Variants in ITGB4 observed in about 807,000 individuals in gnomAD.
ITGB4 encodes integrin subunit beta 4, also known as integrin beta-4.
ITGB4 carries 159 observed loss-of-function variants against 207.6 expected under a neutral mutation model. That is an observed-to-expected ratio of 0.77 (90% confidence interval 0.67 to 0.87). ITGB4 has a LOEUF of 0.87. Among genes scored for constraint, ITGB4 ranks in the 40% least tolerant of loss-of-function variants. ITGB4 has a pLI of 0.00. For missense variants in ITGB4, 2,278 were observed against 2,546.8 expected (o/e 0.89, Z 2.27); for synonymous variants, 1,020 against 1,062.7 (o/e 0.96, Z 0.78).
rs748067049 is a variant in ITGB4 at position 75,740,744 on chromosome 17, G to T, written c.2551-49G>T. ...CCCTGGGTCCCCAGCCTGAGGGCTT[G>T]CCACGGGGTGGCCTAGGCCCAGCCT... On this transcript the variant is annotated intron_variant, in intron 21 of 39. Coordinates refer to ENST00000200181, the MANE Select transcript of ITGB4 (RefSeq NM_000213.5). The surrounding 1 kb of genome is among the most constrained non-coding windows in gnomAD (Gnocchi z 5.9). 6 of 1,602,986 alleles carry T rather than the reference G, an allele frequency of 3.7e-6. No individual in the cohort carries two copies. The Admixed American group carries it at 1.0e-4, about 27-fold the overall frequency.
Position 75,740,186 on chromosome 17 carries a change from G to C in ITGB4, c.2446+115G>C, listed in dbSNP as rs2061074643. ...GTGTGGGGTGCAGGCACAGGGCTCA[G>C]CCACCTTTTGCCCTGTGCTGATGGT... On this transcript the variant is annotated intron_variant, in intron 20 of 39. Coordinates refer to ENST00000200181, the MANE Select transcript of ITGB4 (RefSeq NM_000213.5). The surrounding 1 kb of genome is among the most constrained non-coding windows in gnomAD (Gnocchi z 5.9). 1 of 1,275,526 alleles carries C rather than the reference G, an allele frequency of 7.8e-7. No homozygotes were observed. The highest frequency in any genetic ancestry group is 1.1e-6 in the Non-Finnish European group (1 of 917,200). 79.0% of individuals were successfully genotyped at this position (1,275,526 alleles called of 1,614,324 possible).
Position 75,731,986 on chromosome 17 carries a change from C to A in ITGB4, c.1377+13C>A. ...CACCTGCGAGCTGGTACAACGCAGC[C>A]CCGCAGGGCGGGAGGGGAGAGCTGA... On this transcript the variant is annotated intron_variant, in intron 11 of 39. Coordinates refer to ENST00000200181, the MANE Select transcript of ITGB4 (RefSeq NM_000213.5). This position sits in a 1 kb window ranked among gnomAD's most constrained non-coding sequence, Gnocchi z 6.8. 6.2e-7 allele frequency: 1 copy of A among 1,613,952 alleles called. No individual in the cohort carries two copies. The highest frequency in any genetic ancestry group is 8.5e-7 in the Non-Finnish European group (1 of 1,180,030).
In ITGB4 at chr17:75,727,168, T is replaced by C; in HGVS notation, c.80-27T>C. The C allele has an allele frequency of 6.2e-7, 1 of 1,609,894 alleles. No individual in the cohort carries two copies. The highest frequency in any genetic ancestry group is 8.5e-7 in the Non-Finnish European group (1 of 1,176,970). Reference sequence around the variant, plus strand: ...CTTGCCTTTGCTGAGCGCCTCCCCATTCATGTGCCCACATCTGTCCCCCCA... The same window carrying C: ...CTTGCCTTTGCTGAGCGCCTCCCCACTCATGTGCCCACATCTGTCCCCCCA... On this transcript the variant is annotated intron_variant, in intron 2 of 39. Transcript: ENST00000200181. This position sits in a 1 kb window ranked among gnomAD's most constrained non-coding sequence, Gnocchi z 6.0.
At chr17:75,726,751 T>TAA (rs1336893905) in intron 2 of ITGB4, among the ~76,000 whole-genome samples, 1 of 143,830 alleles carries the variant, frequency 7.0e-6, no homozygotes, top group Non-Finnish European at 1.5e-5. Context: ...TAAAACAAAA[T>TAA]AAAAATACAA....
chr17:75,730,860 CCTT>C lies in ITGB4; in HGVS notation c.1003-12_1003-10del. 1 of 1,598,562 alleles carries C rather than the reference CCTT, an allele frequency of 6.3e-7. No individual in the cohort carries two copies. Among genetic ancestry groups the C allele is most frequent in the Non-Finnish European group, 8.6e-7 (1 of 1,167,720 alleles). On this transcript the variant is annotated splice_polypyrimidine_tract_variant and intron_variant, in intron 8 of 39. Coordinates refer to ENST00000200181, the MANE Select transcript of ITGB4 (RefSeq NM_000213.5). ...TGGAGATGCTTAGCCTGAGACCTGG[CCTT>C]CTCTCCCGCAGAAGCTTCACACCTA... is the stretch of plus-strand genomic sequence containing the variant.
In ITGB4 at chr17:75,729,262, C is replaced by T; in HGVS notation, c.567-3C>T. The T allele has an allele frequency of 1.9e-6, 3 of 1,614,096 alleles. No individual in the cohort carries two copies. The South Asian group carries it at 3.3e-5, about 18-fold the overall frequency. The stretch of plus-strand genomic sequence containing the variant: ...ACTCTCTCTCCCTCCCACCTCTGCC[C>T]AGGCTGAAGGAGCCCTGGCCCAACA... On this transcript the variant is annotated splice_polypyrimidine_tract_variant and splice_region_variant and intron_variant, in intron 6 of 39. Coordinates refer to ENST00000200181, the MANE Select transcript of ITGB4 (RefSeq NM_000213.5). This position sits in a 1 kb window ranked among gnomAD's most constrained non-coding sequence, Gnocchi z 4.4.
rs1176872844 is a variant in ITGB4, at chr17:75,731,435, A to G, written c.1215+67A>G. 1 of 1,518,610 alleles carries G rather than the reference A, an allele frequency of 6.6e-7. No homozygotes were observed. The allele number at this position is 1,518,610 out of a possible 1,614,324, so 94.1% of individuals were successfully genotyped here. Reference sequence around the variant, plus strand: ...CGCCCCACACCGAGTGGAATCGTTTAAAACAGCGGTCAAGAGCGTGGCCCC... The same window carrying G: ...CGCCCCACACCGAGTGGAATCGTTTGAAACAGCGGTCAAGAGCGTGGCCCC... On this transcript the variant is annotated intron_variant, in intron 10 of 39. Coordinates refer to ENST00000200181, the MANE Select transcript of ITGB4 (RefSeq NM_000213.5). This position sits in a 1 kb window ranked among gnomAD's most constrained non-coding sequence, Gnocchi z 6.8.
At chr17:75,733,726 G>A (rs753942294) in intron 13 of ITGB4, 34 bp downstream of exon 13, 29 of 1,602,324 alleles carry the variant, frequency 1.8e-5, no homozygotes, top group East Asian at 6.7e-5. Flanking sequence ...TGCTGATGGC[G>A]GGGTAGGGAG....
In ITGB4 at chr17:75,743,063, C is replaced by T. The variant is rs190144499; in HGVS notation, c.2962+302C>T. Among the ~76,000 whole-genome samples, 276 of 152,204 alleles carry T rather than the reference C, an allele frequency of 1.8e-3. 2 individuals carry two copies. Among genetic ancestry groups the T allele is most frequent in the Non-Finnish European group, 1.8e-3 (123 of 68,000 alleles). On this transcript the variant is annotated intron_variant, in intron 25 of 39. Coordinates refer to ENST00000200181, the MANE Select transcript of ITGB4 (RefSeq NM_000213.5). The stretch of plus-strand genomic sequence containing the variant: ...AAAAGGGTTGGCCAAGGCATCACAC[C>T]GTGGACATCTGACCCCTCCTCCCAC...
In ITGB4 at chr17:75,757,794, TTAA is replaced by T; in HGVS notation, c.*243_*245del. On this transcript the variant is annotated 3_prime_UTR_variant, in exon 40 of 40. Transcript: ENST00000200181. ...CAAGGACCCAGCCTTTGTTCTGCAC[TTAA>T]TAAATGGTTTTGCTACTGCTAGGCC... 1.5e-6 allele frequency: 1 copy of T among 669,218 alleles called. No homozygotes were observed. The allele number at this position is 669,218 out of a possible 1,614,324, so 41.5% of individuals were successfully genotyped here.
intron 1 of ITGB4, among the ~76,000 whole-genome samples, chr17:75,724,276 C>A (rs2060673198): frequency 1.3e-5 from 2 of 152,224 alleles, no homozygotes; most frequent in South Asian, 4.1e-4. Context: ...ACAGAAGGAG[C>A]AGGAGGCAGA....
intron 8 of ITGB4, 47 bp from the exon 9 acceptor site, chr17:75,730,828 A>G: frequency 6.8e-7 from 1 of 1,475,556 alleles, no homozygotes; most frequent in Non-Finnish European, 9.4e-7. Flanking sequence ...AGAGCTGTTC[A>G]GATTCATGGA....
Position 75,748,875 on chromosome 17 carries a change from A to G in ITGB4, c.3146A>G (p.Gln1049Arg). 2 of 1,612,850 alleles carry G rather than the reference A, an allele frequency of 1.2e-6. No individual in the cohort carries two copies. Among genetic ancestry groups the G allele is most frequent in the African/African-American group, 2.7e-5 (2 of 75,038 alleles). Residue 1049 changes from glutamine to arginine, a missense_variant, in exon 27 of 40, where the codon CAG becomes CGG. Coordinates refer to ENST00000200181, the MANE Select transcript of ITGB4 (RefSeq NM_000213.5). ...CCCGTGGAGGGTGAGCTGCTGTTCC[A>G]GCCTGGGGAGGCCTGGAAAGAGCTG... ...YIPVEGELLF[Q>R]PGEAWKELQV... is the part of the protein sequence containing the mutation.
In ITGB4 at chr17:75,727,695, C is replaced by A. The variant is rs763268075; in HGVS notation, c.309C>A (p.Pro103=). Residue 103 remains proline (P), a synonymous_variant, in exon 5 of 40, where the codon CCC becomes CCA. Coordinates refer to ENST00000200181, the MANE Select transcript of ITGB4 (RefSeq NM_000213.5). The surrounding 1 kb of genome is among the most constrained non-coding windows in gnomAD (Gnocchi z 6.0). ...CCCTGCGGCGCAGCCAGATGTCCCC[C>A]CAAGGCCTGCGGGTCCGTCTGCGGC... The part of the protein sequence containing the change: ...DTTLRRSQMS[P]QGLRVRLRPG... 598 of 1,612,138 alleles carry A rather than the reference C, an allele frequency of 3.7e-4. No individual in the cohort carries two copies. Among genetic ancestry groups the A allele is most frequent in the Non-Finnish European group, 4.7e-4 (556 of 1,179,532 alleles).
Position 75,753,894 on chromosome 17 carries a change from C to T in ITGB4, c.4238C>T (p.Pro1413Leu). The change falls in exon 33 of 40, where the codon CCC becomes CTC. Residue 1413 changes from proline to leucine, a missense_variant. Coordinates refer to ENST00000200181, the MANE Select transcript of ITGB4 (RefSeq NM_000213.5). ...GGGCGCTCCTCCGACGCCGAGGCGC[C>T]CCACGGGCCCCCGGACGACGGCGGC... Reference protein sequence around the residue: ...SSGRSSDAEAPHGPPDDGGAG... With the variant: ...SSGRSSDAEALHGPPDDGGAG... The T allele has an allele frequency of 7.7e-7, 1 of 1,302,640 alleles. No individual in the cohort carries two copies. The highest frequency in any genetic ancestry group is 1.5e-5 in the African/African-American group (1 of 65,022). The allele number at this position is 1,302,640 out of a possible 1,614,324, so 80.7% of individuals were successfully genotyped here.
rs1037865640 is a variant in ITGB4, at chr17:75,745,017, G to A, written c.3111+1156G>A. 2.6e-5 allele frequency among the ~76,000 whole-genome samples: 4 copies of A among 152,220 alleles called. No individual in the cohort carries two copies. In the East Asian group the frequency reaches 5.8e-4, roughly 22 times the overall value. ...TGATCTCAAGTGATCCGCCCACCTC[G>A]GCTTCCCAAAGTGCAGGGATTACAG... is the stretch of plus-strand genomic sequence containing the variant. On this transcript the variant is annotated intron_variant, in intron 26 of 39. Coordinates refer to ENST00000200181, the MANE Select transcript of ITGB4 (RefSeq NM_000213.5).
In ITGB4 at chr17:75,731,381, G is replaced by C; in HGVS notation, c.1215+13G>C. The C allele has an allele frequency of 6.2e-7, 1 of 1,606,390 alleles. No individual in the cohort carries two copies. The highest frequency in any genetic ancestry group is 1.1e-5 in the South Asian group (1 of 90,886). On this transcript the variant is annotated intron_variant, in intron 10 of 39. Transcript: ENST00000200181. The surrounding 1 kb of genome is among the most constrained non-coding windows in gnomAD (Gnocchi z 6.8). Reference sequence around the variant, plus strand: ...GCGGGGGGAAGTGGTACGCCTCTGTGGGGGCAGCGGGGTGGGGGATAGGCA... The same window carrying C: ...GCGGGGGGAAGTGGTACGCCTCTGTCGGGGCAGCGGGGTGGGGGATAGGCA...
chr17:75,744,267 T>C (rs2061186575), intron 26 of ITGB4, among the ~76,000 whole-genome samples: 1 of 152,132 alleles, frequency 6.6e-6, no homozygotes, highest in South Asian at 2.1e-4. Flanking sequence ...ATTACAGGCA[T>C]GTGCCACCAC....
At position 75,742,539 on chromosome 17, in the gene ITGB4, G is replaced by A; in HGVS notation, c.2783-43G>A. On this transcript the variant is annotated intron_variant, in intron 24 of 39. Transcript: ENST00000200181. The surrounding 1 kb of genome is among the most constrained non-coding windows in gnomAD (Gnocchi z 5.9). Reference sequence around the variant, plus strand: ...ACTGCCTCGCACCTCCCGCCTGTGTGGCCCTGTGACCCACCTCTGACCACC... The same window carrying A: ...ACTGCCTCGCACCTCCCGCCTGTGTAGCCCTGTGACCCACCTCTGACCACC... 6.2e-7 allele frequency: 1 copy of A among 1,613,510 alleles called. No individual in the cohort carries two copies. The highest frequency in any genetic ancestry group is 8.5e-7 in the Non-Finnish European group (1 of 1,179,908).
Sources: gnomAD v4.1 joint callset for allele counts (sites outside exome capture counted in the v4.1 genomes callset) on GRCh38, gnomAD v4.1.1 for gene constraint, Gnocchi (gnomAD v3.1) non-coding constraint, MANE v1.5 for transcripts, NCBI Gene and HGNC (gene_info 2026-07-23, HGNC 2026-07-21) for gene names.